ARHGEF10L: variants seen among roughly 807,000 people sequenced by gnomAD.
ARHGEF10L encodes rho guanine nucleotide exchange factor 10-like protein.
In ARHGEF10L, 69 loss-of-function variants were observed where a neutral mutation model predicts 141.2. The observed-to-expected ratio is 0.49, with a 90% CI of 0.40 to 0.60. ARHGEF10L has a LOEUF of 0.60. ARHGEF10L is among the 20% of genes least tolerant of loss of function. The pLI, the probability that ARHGEF10L is intolerant of heterozygous loss-of-function variation, is 0.00. For missense variants in ARHGEF10L, 1,482 were observed against 1,734.3 expected (o/e 0.85, Z 2.58); for synonymous variants, 711 against 718.5 (o/e 0.99, Z 0.17).
At chr1:17,528,142 G>T in the ARHGEF10L span, among the ~76,000 whole-genome samples, 3 of 152,042 alleles carry the variant, frequency 2.0e-5, no homozygotes, top group African/African-American at 7.2e-5. Flanking sequence ...TTGTAGGTGT[G>T]AGCCACTGCG....
At chr1:17,533,928 G>T in the ARHGEF10L span, among the ~76,000 whole-genome samples, 12 of 152,050 alleles carry the variant, frequency 7.9e-5, no homozygotes, top group Non-Finnish European at 1.8e-4. Flanking sequence ...CCAGACTCGG[G>T]AAGTCCACAT....
chr1:17,642,039 C>T (rs1278711795), intron 21 of ARHGEF10L, among the ~76,000 whole-genome samples: 1 of 151,556 alleles, frequency 6.6e-6, no homozygotes, highest in Non-Finnish European at 1.5e-5. Context: ...CACTGGTTTT[C>T]ATTAATGGAA....
the ARHGEF10L span, among the ~76,000 whole-genome samples, chr1:17,515,059 A>G: frequency 6.6e-6 from 1 of 152,084 alleles, no homozygotes; most frequent in Non-Finnish European, 1.5e-5. Flanking sequence ...CTGCTTTCCT[A>G]TGGATAAAAT....
chr1:17,574,202 C>A (rs905876817), intron 1 of ARHGEF10L, among the ~76,000 whole-genome samples: 1 of 152,158 alleles, frequency 6.6e-6, no homozygotes, highest in East Asian at 1.9e-4. Flanking sequence ...CCAGGGGCTC[C>A]GTAGCTGTGT....
intron 26 of ARHGEF10L, among the ~76,000 whole-genome samples, chr1:17,676,514 G>T (rs1020489665): frequency 6.6e-6 from 1 of 152,012 alleles, no homozygotes; most frequent in African/African-American, 2.4e-5. Flanking sequence ...TGCAGGCGAG[G>T]CCTGCAGGCT....
intron 8 of ARHGEF10L, among the ~76,000 whole-genome samples, chr1:17,614,393 T>C (rs1359199582): frequency 2.6e-5 from 4 of 152,168 alleles, no homozygotes; most frequent in Non-Finnish European, 5.9e-5. Context: ...ACTGTGGGAA[T>C]GGGTGGATTC....
intron 26 of ARHGEF10L, among the ~76,000 whole-genome samples, chr1:17,676,043 G>C (rs1396861687): frequency 6.8e-6 from 1 of 147,228 alleles, no homozygotes; most frequent in African/African-American, 2.5e-5. Flanking sequence ...TATGGATGCA[G>C]GTGTAGGTGC....
At position 17,684,345 on chromosome 1, in the gene ARHGEF10L, C is replaced by T. The variant is rs187761274; in HGVS notation, c.3010-3228C>T. Among the ~76,000 whole-genome samples, 101 of 152,290 alleles carry T rather than the reference C, an allele frequency of 6.6e-4. 1 individual carries two copies. Among genetic ancestry groups the T allele is most frequent in the Admixed American group, 2.4e-3 (37 of 15,304 alleles). The stretch of plus-strand genomic sequence containing the variant: ...GAGAGAACTGAAAGCCAGGACGGCC[C>T]GGGCTGTGGGCAGCAGATATGGGCG... On this transcript the variant is annotated intron_variant, in intron 26 of 28. Coordinates refer to ENST00000361221, the MANE Select transcript of ARHGEF10L (RefSeq NM_018125.4).
upstream of ARHGEF10L, among the ~76,000 whole-genome samples, chr1:17,534,706 C>G (rs1001964215): frequency 2.0e-5 from 3 of 151,952 alleles, no homozygotes; most frequent in African/African-American, 7.3e-5. Context: ...TCTCCTGCCT[C>G]AGCCTCCCTA....
chr1:17,684,594 G>A (rs1019784614), intron 26 of ARHGEF10L, among the ~76,000 whole-genome samples: 31 of 152,166 alleles, frequency 2.0e-4, no homozygotes, highest in African/African-American at 7.2e-4. Flanking sequence ...ATCTGAGACA[G>A]GAGACAGTTC....
At chr1:17,520,826 A>G in the ARHGEF10L span, among the ~76,000 whole-genome samples, 2 of 152,188 alleles carry the variant, frequency 1.3e-5, no homozygotes, top group African/African-American at 4.8e-5. Flanking sequence ...CTTCAGTTCA[A>G]TGGCATCATT....
chr1:17,625,311 G>A lies in ARHGEF10L; in HGVS notation c.1318-645G>A, dbSNP rs2060321849. 6.6e-6 allele frequency among the ~76,000 whole-genome samples: 1 copy of A among 152,226 alleles called. No individual in the cohort carries two copies. The highest frequency in any genetic ancestry group is 1.5e-5 in the Non-Finnish European group (1 of 68,036). On this transcript the variant is annotated intron_variant, in intron 13 of 28. Transcript: ENST00000361221. The surrounding 1 kb of genome is among the most constrained non-coding windows in gnomAD (Gnocchi z 4.5). ...GGTCTGTTTGGATTCTGGGAGCACT[G>A]ATGCCTGTTGGGGAGTCCCAGGAGA...
chr1:17,604,748 G>T (rs1368174079), intron 6 of ARHGEF10L: 1 of 152,248 alleles, frequency 6.6e-6, no homozygotes, highest in Non-Finnish European at 1.5e-5. Context: ...AGGGAGCAAT[G>T]GATTCCCACT....
chr1:17,689,423 A>G (rs74061958), intron 27 of ARHGEF10L, among the ~76,000 whole-genome samples: 7,954 of 66,378 alleles, frequency 0.12, 394 homozygotes, highest in Middle Eastern at 0.2. Flanking sequence ...GAGAGGCTTG[A>G]TGGGACCTGT....
chr1:17,696,449 A>T (rs947221928), intron 28 of ARHGEF10L, among the ~76,000 whole-genome samples: 2 of 152,032 alleles, frequency 1.3e-5, no homozygotes, highest in Admixed American at 6.6e-5. Context: ...GGGGCTGGGG[A>T]CACAGAGACT....
intron 8 of ARHGEF10L, among the ~76,000 whole-genome samples, chr1:17,613,668 A>G (rs925793398): frequency 1.3e-5 from 2 of 152,258 alleles, no homozygotes; most frequent in African/African-American, 4.8e-5. Context: ...ATCCAGGATA[A>G]GGAAGTCTGT....
the ARHGEF10L span, among the ~76,000 whole-genome samples, chr1:17,516,061 T>C: frequency 6.6e-6 from 1 of 152,226 alleles, no homozygotes; most frequent in Non-Finnish European, 1.5e-5. Flanking sequence ...TGGGGTACTG[T>C]CTCAGTGACT....
intron 2 of ARHGEF10L, among the ~76,000 whole-genome samples, chr1:17,585,237 G>A (rs2078926489): frequency 6.6e-6 from 1 of 152,184 alleles, no homozygotes. Context: ...GCGCAGGGCA[G>A]AATGTCTGAG....
the ARHGEF10L span, among the ~76,000 whole-genome samples, chr1:17,522,115 A>C: frequency 1.3e-5 from 2 of 152,142 alleles, no homozygotes; most frequent in Non-Finnish European, 2.9e-5. Context: ...TGTCCCGGGC[A>C]AAGGAGGCAG....
Sources: gnomAD v4.1 joint callset for allele counts (sites outside exome capture counted in the v4.1 genomes callset) on GRCh38, gnomAD v4.1.1 for gene constraint, Gnocchi (gnomAD v3.1) non-coding constraint, MANE v1.5 for transcripts, NCBI Gene and HGNC (gene_info 2026-07-23, HGNC 2026-07-21) for gene names.